Variants in CCDC102B observed in about 807,000 individuals in gnomAD.
CCDC102B encodes coiled-coil domain containing 102B.
In CCDC102B, 75 loss-of-function variants were observed where a neutral mutation model predicts 57.4. The ratio of observed to expected loss-of-function variants is 1.31; its 90% CI spans 1.08 to 1.58. CCDC102B has a LOEUF of 1.58. CCDC102B is among the 40% of genes most tolerant of loss of function. CCDC102B has a pLI of 0.00. For synonymous variants in CCDC102B, 206 were observed against 201.9 expected (o/e 1.02, Z -0.17); for missense variants, 636 against 582.6 (o/e 1.09, Z -0.94).
intron 2 of CCDC102B, among the ~76,000 whole-genome samples, chr18:68,731,306 G>A (rs1055984219): frequency 1.6e-4 from 25 of 152,028 alleles, no homozygotes; most frequent in African/African-American, 5.6e-4. Context: ...TTAACCATAA[G>A]TATTTTTCTA....
At chr18:68,838,976 T>G in intron 3 of CCDC102B, 50 bp downstream of exon 3, 1 of 1,367,918 alleles carries the variant, frequency 7.3e-7, no homozygotes, top group Non-Finnish European at 1.0e-6. Context: ...TTCAAATCAC[T>G]TAAAATTGTT....
chr18:68,855,900 T>C (rs1231173679), intron 4 of CCDC102B, among the ~76,000 whole-genome samples: 1 of 152,194 alleles, frequency 6.6e-6, no homozygotes, highest in Admixed American at 6.5e-5. Context: ...GTGTTAGTCA[T>C]GTCTGAGGCA....
At chr18:68,836,666 A>C in intron 1 of CCDC102B, 83 bp from the exon 2 acceptor site, 2 of 1,090,554 alleles carry the variant, frequency 1.8e-6, no homozygotes, top group East Asian at 5.5e-5. Context: ...TTTTCAAAAA[A>C]AAAAAAAAAA....
chr18:68,738,259 A>G (rs559100392), intron 2 of CCDC102B, among the ~76,000 whole-genome samples: 3 of 152,276 alleles, frequency 2.0e-5, no homozygotes, highest in South Asian at 2.1e-4. Context: ...GCAGGATCCT[A>G]TGTGAGCAGA....
At chr18:68,913,162 A>G (rs2040932685) in intron 6 of CCDC102B, among the ~76,000 whole-genome samples, 1 of 152,214 alleles carries the variant, frequency 6.6e-6, no homozygotes, top group Non-Finnish European at 1.5e-5. Context: ...TGGCATTTAA[A>G]TTCCCACAGC....
exon 1 of CCDC102B, chr18:68,715,288 G>A: frequency 2.4e-6 from 3 of 1,251,728 alleles, no homozygotes; most frequent in Non-Finnish European, 3.0e-6. Flanking sequence ...GGCTTTACTA[G>A]GGAAAACGGT....
chr18:68,894,423 C>T (rs2040175812), intron 5 of CCDC102B, among the ~76,000 whole-genome samples: 1 of 151,920 alleles, frequency 6.6e-6, no homozygotes, highest in Non-Finnish European at 1.5e-5. Context: ...TTAAAATTCA[C>T]AGTTGAGTTA....
chr18:69,004,671 G>A (rs1456939130), intron 6 of CCDC102B, among the ~76,000 whole-genome samples: 1 of 151,784 alleles, frequency 6.6e-6, no homozygotes, highest in African/African-American at 2.4e-5. Flanking sequence ...TTTAATAATT[G>A]TCACAATTGA....
chr18:68,823,266 C>T (rs1263139049), intron 1 of CCDC102B: 1 of 152,262 alleles, frequency 6.6e-6, no homozygotes, highest in Non-Finnish European at 1.5e-5. Flanking sequence ...TCTTGAGCCG[C>T]TTGCTCGAGT....
At chr18:68,895,813 G>T (rs890376545) in intron 5 of CCDC102B, among the ~76,000 whole-genome samples, 7 of 151,670 alleles carry the variant, frequency 4.6e-5, no homozygotes, top group African/African-American at 1.7e-4. Flanking sequence ...GTAAATGGTG[G>T]GACCAGGATG....
chr18:68,817,802 A>G (rs2036542243), intron 1 of CCDC102B, among the ~76,000 whole-genome samples: 1 of 152,168 alleles, frequency 6.6e-6, no homozygotes, highest in Non-Finnish European at 1.5e-5. Context: ...TCTCATTTCC[A>G]TTAAGAGAAG....
At chr18:68,753,695 GGTAT>G (rs2033945509) in intron 2 of CCDC102B, 1 of 151,608 alleles carries the variant, frequency 6.6e-6, no homozygotes, top group South Asian at 2.1e-4. Flanking sequence ...AGGACCAGAG[GGTAT>G]GCCACTGCAT....
At position 68,748,205 on chromosome 18, in the gene CCDC102B, G is replaced by GGTATGTTT. The variant is rs530957083; in HGVS notation, c.-67+31613_-67+31614insATGTTTGT. 1.0e-3 allele frequency among the ~76,000 whole-genome samples: 140 copies of GGTATGTTT among 137,598 alleles called. 2 individuals are homozygous for GGTATGTTT. Among genetic ancestry groups the GGTATGTTT allele is most frequent in the African/African-American group, 3.6e-3 (135 of 37,514 alleles). 90.3% of individuals were successfully genotyped at this position (137,598 alleles called of 152,430 possible). A position where few individuals can be genotyped will look rare whatever the true frequency, so the allele number is the denominator to read the frequency against. ...TAGGTACTTTGTCCATTATTAAACT[G>GGTATGTTT]GTGTGTGTGTGTGTGTGTGTGTGTG... On this transcript the variant is annotated intron_variant, in intron 2 of 3. Coordinates refer to the CCDC102B transcript ENST00000578970.
chr18:68,808,570 T>C (rs1041599375), intron 1 of CCDC102B, among the ~76,000 whole-genome samples: 64 of 147,912 alleles, frequency 4.3e-4, no homozygotes, highest in Admixed American at 1.0e-3. Flanking sequence ...CTCTGCCTCC[T>C]GGGTTCACGC....
Position 69,010,820 on chromosome 18 carries a change from G to A in CCDC102B, c.1264-114G>A, listed in dbSNP as rs2051494720. On this transcript the variant is annotated intron_variant, in intron 6 of 7. Transcript: ENST00000360242. ...ATGTAGAATTGCAAATGAAGATGAT[G>A]GCTCATCTAAATTCTTCCTAAAATG... 6.1e-6 allele frequency: 4 copies of A among 652,908 alleles called. No individual in the cohort carries two copies. The South Asian group carries it at 1.1e-4, about 18-fold the overall frequency. 40.4% of individuals were successfully genotyped at this position (652,908 alleles called of 1,614,324 possible).
At chr18:68,926,295 AAT>A (rs1268225236) in intron 6 of CCDC102B, among the ~76,000 whole-genome samples, 1 of 151,886 alleles carries the variant, frequency 6.6e-6, no homozygotes, top group Non-Finnish European at 1.5e-5. Context: ...ATATAATCTC[AAT>A]ATTTATAATT....
intron 6 of CCDC102B, among the ~76,000 whole-genome samples, chr18:68,970,136 G>A (rs2050264405): frequency 6.6e-6 from 1 of 151,960 alleles, no homozygotes; most frequent in South Asian, 2.1e-4. Flanking sequence ...TAAATATTTA[G>A]CAACTATGCT....
chr18:68,788,254 T>C (rs1332979524), intron 2 of CCDC102B, among the ~76,000 whole-genome samples: 3 of 152,158 alleles, frequency 2.0e-5, no homozygotes, highest in Non-Finnish European at 4.4e-5. Flanking sequence ...TCCAAGTATG[T>C]GGTCAATTTT....
chr18:69,048,807 G>A (rs1481280312), intron 7 of CCDC102B, among the ~76,000 whole-genome samples: 2 of 151,782 alleles, frequency 1.3e-5, no homozygotes, highest in Non-Finnish European at 2.9e-5. Flanking sequence ...CTTTAATAAC[G>A]CTGGTATAGA....
Sources: allele counts gnomAD v4.1 joint callset (sites outside exome capture counted in the v4.1 genomes callset), GRCh38; gene constraint gnomAD v4.1.1; transcripts MANE v1.5; gene names NCBI Gene and HGNC (gene_info 2026-07-23, HGNC 2026-07-21).